PDE4D: variants seen among roughly 807,000 people sequenced by gnomAD.
PDE4D encodes phosphodiesterase 4D.
In PDE4D, 24 loss-of-function variants were observed where a neutral mutation model predicts 87.4. That is an observed-to-expected ratio of 0.27 (90% CI 0.20 to 0.39). The LOEUF is 0.39. Ranked by LOEUF, PDE4D falls within the 10% of genes least tolerant of loss-of-function variation. The probability of loss-of-function intolerance (pLI) is 1.00; values close to 1 mark genes in which losing one functional copy is unlikely to be tolerated. For synonymous variants in PDE4D, 384 were observed against 383.2 expected (o/e 1.00, Z -0.02); for missense variants, 714 against 1,041.0 (o/e 0.69, Z 4.32).
intron 3 of PDE4D, among the ~76,000 whole-genome samples, chr5:59,913,891 A>G (rs1581712346): frequency 6.6e-6 from 1 of 152,136 alleles, no homozygotes; most frequent in African/African-American, 2.4e-5. Context: ...TGTAGTTTTT[A>G]ATTGTAGTTT....
In PDE4D at chr5:60,400,541, A is replaced by AAAAG. The variant is rs1554028892; in HGVS notation, c.-90+87397_-90+87400dup. 5.1e-4 allele frequency among the ~76,000 whole-genome samples: 77 copies of AAAAG among 149,976 alleles called. 1 individual carries two copies. The highest frequency in any genetic ancestry group is 3.5e-3 in the Middle Eastern group (1 of 284). ...CATCTCAAAAAAAAAAAAAAAAAAA[A>AAAAG]AAAGAAATATAAATTCTTATCAATC... On this transcript the variant is annotated intron_variant, in intron 1 of 16. Transcript: ENST00000502484.
At chr5:60,514,240 C>T (rs75156819) in intron 1 of PDE4D, among the ~76,000 whole-genome samples, 135 of 152,076 alleles carry the variant, frequency 8.9e-4, no homozygotes, top group South Asian at 6.0e-3. Flanking sequence ...ATGAAATGGA[C>T]GATTCACTGT....
intron 2 of PDE4D, among the ~76,000 whole-genome samples, chr5:60,163,775 T>C (rs533251701): frequency 9.9e-5 from 15 of 152,262 alleles, no homozygotes; most frequent in African/African-American, 3.6e-4. Context: ...CAACCTCCCC[T>C]ACCACGCCAA....
At chr5:59,915,527 A>G (rs1382024962) in intron 3 of PDE4D, among the ~76,000 whole-genome samples, 3 of 152,226 alleles carry the variant, frequency 2.0e-5, no homozygotes, top group Non-Finnish European at 4.4e-5. Flanking sequence ...TTGGAAAGGA[A>G]AATGGTTTGC....
chr5:59,088,574 G>A (rs1768134188), intron 5 of PDE4D, among the ~76,000 whole-genome samples: 1 of 152,090 alleles, frequency 6.6e-6, no homozygotes. Context: ...TAGTAGACAG[G>A]ATAAAGCAAA....
chr5:59,200,066 C>CAT (rs1561688290), intron 2 of PDE4D, among the ~76,000 whole-genome samples: 2 of 143,706 alleles, frequency 1.4e-5, no homozygotes, highest in Non-Finnish European at 3.0e-5. Context: ...TGCATGTACA[C>CAT]ACACGTATGC....
At chr5:60,451,306 A>G (rs1746079201) in intron 1 of PDE4D, among the ~76,000 whole-genome samples, 1 of 152,170 alleles carries the variant, frequency 6.6e-6, no homozygotes, top group African/African-American at 2.4e-5. Flanking sequence ...TAATACCTGT[A>G]CACAATGTAT....
chr5:60,394,153 G>T (rs1038337775), intron 1 of PDE4D, among the ~76,000 whole-genome samples: 4 of 152,088 alleles, frequency 2.6e-5, no homozygotes, highest in African/African-American at 9.7e-5. Flanking sequence ...ATTCACCTTT[G>T]TCAAGTAGGT....
At chr5:59,080,417 A>T (rs1467750219) in intron 5 of PDE4D, among the ~76,000 whole-genome samples, 1 of 152,176 alleles carries the variant, frequency 6.6e-6, no homozygotes, top group Non-Finnish European at 1.5e-5. Context: ...TCTTAAATCA[A>T]TCCTTAAAAC....
intron 1 of PDE4D, among the ~76,000 whole-genome samples, chr5:59,672,764 C>G (rs1747438442): frequency 6.6e-6 from 1 of 151,960 alleles, no homozygotes. Flanking sequence ...AAATTGCATC[C>G]AGGTTTAAAG....
chr5:60,051,972 C>T (rs1234215809), intron 2 of PDE4D, among the ~76,000 whole-genome samples: 3 of 152,006 alleles, frequency 2.0e-5, no homozygotes. Context: ...ACACATACAC[C>T]CTTTCAAGAC....
chr5:60,229,604 T>C (rs1270503814), intron 1 of PDE4D, among the ~76,000 whole-genome samples: 3 of 152,106 alleles, frequency 2.0e-5, no homozygotes, highest in African/African-American at 7.2e-5. Context: ...GATGGTATTA[T>C]TTGCCAAATG....
At chr5:59,451,640 C>T (rs993564960) in intron 1 of PDE4D, among the ~76,000 whole-genome samples, 86 of 152,152 alleles carry the variant, frequency 5.7e-4, no homozygotes, top group African/African-American at 2.0e-3. Flanking sequence ...TCTCAATTAC[C>T]AAGACATGCA....
At chr5:60,049,721 G>A (rs956810558) in intron 2 of PDE4D, among the ~76,000 whole-genome samples, 24 of 152,340 alleles carry the variant, frequency 1.6e-4, no homozygotes, top group South Asian at 1.0e-3. Flanking sequence ...CAGTCTGCCC[G>A]TTCTCAGATC....
At chr5:59,652,185 A>AC (rs1464836235) in intron 1 of PDE4D, among the ~76,000 whole-genome samples, 3 of 152,082 alleles carry the variant, frequency 2.0e-5, no homozygotes, top group Non-Finnish European at 4.4e-5. Context: ...GCCTCTTGCT[A>AC]CCCCATCTCT....
intron 2 of PDE4D, among the ~76,000 whole-genome samples, chr5:60,142,626 A>C (rs1039204217): frequency 2.6e-5 from 4 of 152,204 alleles, no homozygotes; most frequent in Admixed American, 6.5e-5. Context: ...CAGGACTACC[A>C]AACAGTTAGA....
intron 1 of PDE4D, among the ~76,000 whole-genome samples, chr5:59,702,142 G>A (rs1752665123): frequency 6.6e-6 from 1 of 151,722 alleles, no homozygotes; most frequent in Admixed American, 6.6e-5. Context: ...TTCTTTTTTT[G>A]AGATGAAGTC....
chr5:59,318,830 G>C (rs926099214), intron 1 of PDE4D, among the ~76,000 whole-genome samples: 1 of 152,030 alleles, frequency 6.6e-6, no homozygotes, highest in Non-Finnish European at 1.5e-5. Flanking sequence ...TTCTGCACAA[G>C]ATGGCTGCTA....
chr5:59,873,706 A>C (rs1748146057), intron 1 of PDE4D, among the ~76,000 whole-genome samples: 1 of 152,236 alleles, frequency 6.6e-6, no homozygotes, highest in South Asian at 2.1e-4. Context: ...AAGCAGAAAA[A>C]TACTCTATAC....
Sources: gnomAD v4.1 joint callset for allele counts (sites outside exome capture counted in the v4.1 genomes callset) on GRCh38, gnomAD v4.1.1 for gene constraint, MANE v1.5 for transcripts, NCBI Gene and HGNC (gene_info 2026-07-23, HGNC 2026-07-21) for gene names.